Variants in MED12L observed in about 807,000 individuals in gnomAD.
MED12L encodes the protein mediator complex subunit 12L.
In MED12L, 60 loss-of-function variants were observed where a neutral mutation model predicts 281.3. That is an observed-to-expected ratio of 0.21 (90% CI 0.17 to 0.26). The LOEUF (loss-of-function observed/expected upper bound fraction) is 0.26. MED12L is among the 10% of genes least tolerant of loss of function. The pLI, the probability that MED12L is intolerant of heterozygous loss-of-function variation, is 1.00. For missense variants in MED12L, 2,146 were observed against 2,680.9 expected, an observed-to-expected ratio of 0.80 and a Z score of 4.41; for synonymous variants, 974 against 987.2, an observed-to-expected ratio of 0.99 and a Z score of 0.25.
intron 16 of MED12L, among the ~76,000 whole-genome samples, chr3:151,205,962 C>T (rs528413401): frequency 3.0e-4 from 46 of 152,072 alleles, no homozygotes; most frequent in African/African-American, 1.0e-3. Flanking sequence ...AAATAATTTA[C>T]AAATGGAAGA....
At chr3:151,266,519 T>C (rs1218858592) in intron 16 of MED12L, among the ~76,000 whole-genome samples, 1 of 152,240 alleles carries the variant, frequency 6.6e-6, no homozygotes, top group Non-Finnish European at 1.5e-5. Context: ...GCAGTCCTTT[T>C]TAAAAATCGC....
chr3:151,327,443 G>C (rs1214308064), intron 16 of MED12L: 3 of 152,128 alleles, frequency 2.0e-5, no homozygotes, highest in Non-Finnish European at 4.4e-5. Context: ...TAATTGTAAG[G>C]AGAAAATCCT....
chr3:151,244,475 A>G (rs1405406877), intron 16 of MED12L, among the ~76,000 whole-genome samples: 3 of 146,360 alleles, frequency 2.0e-5, no homozygotes, highest in South Asian at 2.3e-4. Flanking sequence ...ACTCAAAACC[A>G]CTCAACTACA....
intron 5 of MED12L, among the ~76,000 whole-genome samples, chr3:151,141,178 G>GTTTGTTTTTTTTT (rs1553808456): frequency 9.8e-6 from 1 of 102,190 alleles, no homozygotes; most frequent in African/African-American, 4.3e-5. Context: ...TTTTTTTTTT[G>GTTTGTTTTTTTTT]TTTTTTTTGT....
chr3:151,242,351 C>A (rs1309647294), intron 16 of MED12L, among the ~76,000 whole-genome samples: 1 of 152,248 alleles, frequency 6.6e-6, no homozygotes, highest in East Asian at 1.9e-4. Flanking sequence ...ACAGCAGTAA[C>A]CTCTGCAGAC....
intron 16 of MED12L, among the ~76,000 whole-genome samples, chr3:151,226,353 G>C (rs1158751693): frequency 1.3e-5 from 2 of 152,202 alleles, no homozygotes; most frequent in Non-Finnish European, 2.9e-5. Flanking sequence ...CTAAGCTCTT[G>C]GGTAACATGA....
chr3:151,244,087 C>G (rs1734823856), intron 16 of MED12L, among the ~76,000 whole-genome samples: 1 of 112,996 alleles, frequency 8.8e-6, no homozygotes, highest in African/African-American at 2.8e-5. Context: ...TATATATGCA[C>G]CCAATACAGG....
chr3:151,153,564 C>CTTTTTTTTTTTTTTT (rs1177653143), intron 5 of MED12L, among the ~76,000 whole-genome samples: 7 of 94,286 alleles, frequency 7.4e-5, no homozygotes, highest in Non-Finnish European at 1.2e-4. Flanking sequence ...TGTTTTCTTT[C>CTTTTTTTTTTTTTTT]TTTTTTTTTT....
intron 16 of MED12L, among the ~76,000 whole-genome samples, chr3:151,283,024 A>G (rs898548654): frequency 6.6e-6 from 1 of 152,250 alleles, no homozygotes; most frequent in Non-Finnish European, 1.5e-5. Flanking sequence ...ACCTCTTGCA[A>G]TGAATGACAG....
At chr3:151,179,550 G>C (rs1255376345) in intron 11 of MED12L, among the ~76,000 whole-genome samples, 2 of 152,228 alleles carry the variant, frequency 1.3e-5, no homozygotes, top group Non-Finnish European at 2.9e-5. Flanking sequence ...AAGCTGAGAG[G>C]ATGGGGTACT....
At chr3:151,324,953 T>C (rs1749417117) in intron 16 of MED12L, among the ~76,000 whole-genome samples, 1 of 152,246 alleles carries the variant, frequency 6.6e-6, no homozygotes, top group South Asian at 2.1e-4. Context: ...TTGGGTTTTT[T>C]TGCTCTGGAT....
intron 26 of MED12L, among the ~76,000 whole-genome samples, chr3:151,370,558 C>T (rs1268207226): frequency 1.3e-5 from 2 of 152,164 alleles, no homozygotes. Flanking sequence ...CGTCAAGGAC[C>T]ACAGCCTCCT....
At chr3:151,368,760 ATTTTT>A (rs201834162) in intron 25 of MED12L, among the ~76,000 whole-genome samples, 2 of 80,314 alleles carry the variant, frequency 2.5e-5, no homozygotes, top group Non-Finnish European at 2.6e-5. Context: ...ATGTCATTTC[ATTTTT>A]TTTTTTTTTT....
At position 151,158,922 on chromosome 3, in the gene MED12L, T is replaced by C. The variant is rs926629618; in HGVS notation, c.837+123T>C. 1.3e-5 allele frequency: 9 copies of C among 692,542 alleles called. No homozygotes were observed. The African/African-American group carries it at 1.5e-4, about 11-fold the overall frequency. 42.9% of individuals were successfully genotyped at this position (692,542 alleles called of 1,614,324 possible). A position where few individuals can be genotyped will look rare whatever the true frequency, so the allele number is the denominator to read the frequency against. On this transcript the variant is annotated intron_variant, in intron 7 of 44. Coordinates refer to ENST00000687756, the MANE Select transcript of MED12L (RefSeq NM_001393769.1). ...CCTGTTGAAATGGAAGGAAAAAATGTCTTTGATGCTATAACACATGAAGTG... is the reference window on the plus strand; with the variant it reads ...CCTGTTGAAATGGAAGGAAAAAATGCCTTTGATGCTATAACACATGAAGTG...
intron 16 of MED12L, chr3:151,199,534 G>C: frequency 1.5e-6 from 1 of 666,376 alleles, no homozygotes; most frequent in Non-Finnish European, 2.5e-6. Context: ...TGTCTTTCCA[G>C]TTCTTAGAAT....
At chr3:151,209,224 T>C (rs1285648063) in intron 16 of MED12L, among the ~76,000 whole-genome samples, 1 of 152,208 alleles carries the variant, frequency 6.6e-6, no homozygotes, top group African/African-American at 2.4e-5. Flanking sequence ...CAGGGGGAGA[T>C]AGGAATGCAG....
rs547392759 is a variant in MED12L, at chr3:151,429,666, T to C, written c.6409-633T>C. Among the ~76,000 whole-genome samples, 14 of 152,318 alleles carry C rather than the reference T, an allele frequency of 9.2e-5. No individual in the cohort carries two copies. The South Asian group carries it at 2.7e-3, about 29-fold the overall frequency. On this transcript the variant is annotated intron_variant, in intron 43 of 44. Coordinates refer to ENST00000687756, the MANE Select transcript of MED12L (RefSeq NM_001393769.1). ...TAGAATCAGGGCATGTGGTCCCCTA[T>C]ATTGTGCCTCTCATCTGATTCTTCC...
At chr3:151,357,044 A>G (rs1449291906) in intron 19 of MED12L, among the ~76,000 whole-genome samples, 169 bp from the exon 20 acceptor site, 1 of 152,240 alleles carries the variant, frequency 6.6e-6, no homozygotes, top group South Asian at 2.1e-4. Context: ...ATGTCTAGAC[A>G]GAAGAACAAC....
rs1314457024 is a variant in MED12L, at chr3:151,244,936, T to TATCACCACTGATCCCAC, written c.2250+51272_2250+51288dup. Among the ~76,000 whole-genome samples, 3 of 152,302 alleles carry TATCACCACTGATCCCAC rather than the reference T, an allele frequency of 2.0e-5. No individual in the cohort carries two copies. The South Asian group carries it at 6.2e-4, about 32-fold the overall frequency. On this transcript the variant is annotated intron_variant, in intron 16 of 44. Coordinates refer to ENST00000687756, the MANE Select transcript of MED12L (RefSeq NM_001393769.1). Reference sequence around the variant, plus strand: ...ACCCAATAAAAAATGATAAAGGGGATATCACCACTGATCCCACAGAAATAC... The same window carrying TATCACCACTGATCCCAC: ...ACCCAATAAAAAATGATAAAGGGGATATCACCACTGATCCCACATCACCACTGATCCCACAGAAATAC...
Sources: allele counts gnomAD v4.1 joint callset (sites outside exome capture counted in the v4.1 genomes callset), GRCh38; gene constraint gnomAD v4.1.1; transcripts MANE v1.5; gene names NCBI Gene and HGNC (gene_info 2026-07-23, HGNC 2026-07-21).